The following NOX4 variants were observed in gnomAD, a reference collection of about 807,000 sequenced individuals.
The protein encoded by NOX4 is NADPH oxidase 4.
A neutral mutation model predicts 87.6 loss-of-function variants in NOX4; 69 were observed. That is an observed-to-expected ratio of 0.79 (90% confidence interval 0.65 to 0.96). NOX4 has a LOEUF of 0.96. Ranked by LOEUF, NOX4 falls within the 40% of genes least tolerant of loss-of-function variation. NOX4 has a pLI of 0.00. For missense variants in NOX4, 680 were observed against 681.5 expected, an observed-to-expected ratio of 1.00 and a Z score of 0.02; for synonymous variants, 275 against 238.2, an observed-to-expected ratio of 1.15 and a Z score of -1.42.
the NOX4 span, among the ~76,000 whole-genome samples, chr11:89,585,360 C>T: frequency 6.6e-6 from 1 of 152,130 alleles, no homozygotes; most frequent in Non-Finnish European, 1.5e-5. Flanking sequence ...TCTTCATGTT[C>T]TCAACTAGAC....
chr11:89,403,739 G>A (rs1045630080), intron 8 of NOX4, among the ~76,000 whole-genome samples: 22 of 152,064 alleles, frequency 1.4e-4, no homozygotes, highest in African/African-American at 4.6e-4. Context: ...GCGAAACTCC[G>A]TCTCAAAAAT....
chr11:89,523,015 C>CT, the NOX4 span, among the ~76,000 whole-genome samples: 13 of 151,252 alleles, frequency 8.6e-5, no homozygotes, highest in South Asian at 1.9e-3. Flanking sequence ...GTACAGAACG[C>CT]TTTTTTTTTC....
chr11:89,409,899 T>C (rs1429010720), intron 8 of NOX4, among the ~76,000 whole-genome samples: 5 of 151,946 alleles, frequency 3.3e-5, no homozygotes, highest in Non-Finnish European at 5.9e-5. Flanking sequence ...AAGTGAAAAA[T>C]TGAAGAACTA....
the NOX4 span, chr11:89,577,638 G>A: frequency 6.6e-6 from 1 of 152,130 alleles, no homozygotes; most frequent in Non-Finnish European, 1.5e-5. Flanking sequence ...CTGGGATTCA[G>A]CTCCTCTCCA....
intron 12 of NOX4, among the ~76,000 whole-genome samples, chr11:89,371,521 GT>G (rs1939445527): frequency 6.6e-6 from 1 of 151,882 alleles, no homozygotes; most frequent in African/African-American, 2.4e-5. Context: ...ACCATCAGGA[GT>G]TTCTGCTTAA....
intron 7 of NOX4, among the ~76,000 whole-genome samples, chr11:89,427,571 C>T (rs765882088): frequency 1.1e-4 from 16 of 152,062 alleles, no homozygotes; most frequent in South Asian, 2.1e-4. Context: ...AACTACGTGA[C>T]GAATGACAAG....
At chr11:89,407,132 T>G (rs1326646404) in intron 8 of NOX4, among the ~76,000 whole-genome samples, 1 of 152,150 alleles carries the variant, frequency 6.6e-6, no homozygotes, top group Non-Finnish European at 1.5e-5. Flanking sequence ...AGATCTCTAA[T>G]GCATTTCTAG....
rs1161598586 is a variant in NOX4, at chr11:89,421,963, A to C, written c.568T>G (p.Phe190Val). Residue 190 changes from phenylalanine (F) to valine (V), a missense_variant, in exon 8 of 18, where the codon TTC becomes GTC. Coordinates refer to ENST00000263317, the MANE Select transcript of NOX4 (RefSeq NM_016931.5). The stretch of plus-strand genomic sequence containing the variant: ...AAGAAGAGGTTATGAGTATACCAGA[A>C]GATATCATAGTTAGAAACTCTGCAA... ...YAIRVSNYDI[F>V]WYTHNLFFVF... The C allele has an allele frequency of 6.4e-7, 1 of 1,550,646 alleles. No homozygotes were observed.
chr11:89,426,790 C>T (rs535576504), intron 7 of NOX4, among the ~76,000 whole-genome samples: 25 of 152,254 alleles, frequency 1.6e-4, no homozygotes, highest in Admixed American at 3.3e-4. Context: ...GACTCCACCT[C>T]GGGGGGCAGG....
chr11:89,334,752 A>C (rs1446726417), intron 17 of NOX4, among the ~76,000 whole-genome samples: 1 of 151,698 alleles, frequency 6.6e-6, no homozygotes, highest in East Asian at 1.9e-4. Context: ...TTAACACTAG[A>C]GTCTTATGAT....
intron 2 of NOX4, among the ~76,000 whole-genome samples, chr11:89,484,328 G>T (rs495344): frequency 0.92 from 140,006 of 152,072 alleles, 64,595 homozygotes; most frequent in Non-Finnish European, 0.94. Context: ...AAATAAAAAT[G>T]CTCATAATTC....
At chr11:89,483,220 C>CA (rs2135476515) in intron 2 of NOX4, among the ~76,000 whole-genome samples, 1 of 152,144 alleles carries the variant, frequency 6.6e-6, no homozygotes, top group Non-Finnish European at 1.5e-5. Flanking sequence ...TAAATGGTAA[C>CA]AGTTGCTATT....
In NOX4 at chr11:89,382,515, C is replaced by T. The variant is rs1189897215; in HGVS notation, c.1075-9023G>A. On this transcript the variant is annotated intron_variant, in intron 11 of 17. Transcript: ENST00000263317. Reference sequence around the variant, plus strand: ...CCCTCCCTAGTCTCTGTTCCCAATGCGACTCATCCCAAATCCTTCCTTCCC... The same window carrying T: ...CCCTCCCTAGTCTCTGTTCCCAATGTGACTCATCCCAAATCCTTCCTTCCC... Among the ~76,000 whole-genome samples the T allele has an allele frequency of 3.3e-5, 5 of 152,118 alleles. No homozygotes were observed. The East Asian group carries it at 5.8e-4, about 18-fold the overall frequency.
intron 7 of NOX4, among the ~76,000 whole-genome samples, chr11:89,431,184 C>T (rs1372379847): frequency 2.6e-5 from 4 of 152,290 alleles, no homozygotes; most frequent in East Asian, 1.9e-4. Context: ...CCCTTCCTTA[C>T]ACCTTATACA....
chr11:89,533,585 TTTTGAGTGAGAAC>T, the NOX4 span: 1 of 150,116 alleles, frequency 6.7e-6, no homozygotes, highest in Non-Finnish European at 1.5e-5. Flanking sequence ...TTCACATGCA[TTTTGAGTGAGAAC>T]TAAAATTCTT....
rs780322633 is a variant in NOX4, at chr11:89,354,984, T to C, written c.1195A>G (p.Ile399Val). Residue 399 changes from isoleucine to valine, a missense_variant, in exon 13 of 18, where the codon ATT becomes GTT. Coordinates refer to ENST00000263317, the MANE Select transcript of NOX4 (RefSeq NM_016931.5). ...TACTTGGGATAATTTCTAGATTGAA[T>C]GAAGGGCAGAATTTCGGAGTCTTGA... ...SSQDSEILPFIQSRNYPKLYI... is the reference protein window; with the variant it reads ...SSQDSEILPFVQSRNYPKLYI... 8 of 1,598,538 alleles carry C rather than the reference T, an allele frequency of 5.0e-6. No homozygotes were observed. The highest frequency in any genetic ancestry group is 3.3e-5 in the South Asian group (3 of 89,976).
At chr11:89,357,994 A>G (rs1412076652) in intron 12 of NOX4, among the ~76,000 whole-genome samples, 2 of 152,142 alleles carry the variant, frequency 1.3e-5, no homozygotes, top group East Asian at 1.9e-4. Context: ...AAGGAAACCT[A>G]TAACTAATGT....
chr11:89,474,735 T>C (rs7939873), intron 2 of NOX4, among the ~76,000 whole-genome samples: 3,074 of 152,090 alleles, frequency 0.02, 105 homozygotes, highest in African/African-American at 0.069. Context: ...AGAGGGAAGT[T>C]TCTATTTTTT....
chr11:89,364,730 T>C (rs1938812181), intron 12 of NOX4, among the ~76,000 whole-genome samples: 1 of 152,148 alleles, frequency 6.6e-6, no homozygotes, highest in Non-Finnish European at 1.5e-5. Flanking sequence ...CCAAAATTTA[T>C]CTACTATCAT....
Sources: gnomAD v4.1 joint callset for allele counts (sites outside exome capture counted in the v4.1 genomes callset) on GRCh38, gnomAD v4.1.1 for gene constraint, MANE v1.5 for transcripts, NCBI Gene and HGNC (gene_info 2026-07-23, HGNC 2026-07-21) for gene names.